TNRC18: variants seen among roughly 807,000 people sequenced by gnomAD.
The protein encoded by TNRC18 is trinucleotide repeat containing 18, also known as trinucleotide repeat-containing gene 18 protein.
A neutral mutation model predicts 226.7 loss-of-function variants in TNRC18; 69 were observed. The observed-to-expected ratio is 0.30, with a 90% CI of 0.25 to 0.37. The LOEUF is 0.37. TNRC18 is among the 10% of genes least tolerant of loss of function. TNRC18 has a pLI of 1.00. For missense variants in TNRC18, 4,754 were observed against 4,256.6 expected (o/e 1.12, Z -3.25); for synonymous variants, 2,449 against 1,927.6 (o/e 1.27, Z -7.09).
chr7:5,360,039 G>C (rs575038896), intron 14 of TNRC18, among the ~76,000 whole-genome samples: 1 of 151,506 alleles, frequency 6.6e-6, no homozygotes, highest in South Asian at 2.1e-4. Flanking sequence ...AATCCCGTGC[G>C]CAGTGGGGAC....
At position 5,313,229 on chromosome 7, in the gene TNRC18, G is replaced by T. The variant is rs183183335; in HGVS notation, c.7662C>A (p.Ala2554=). The change falls in exon 27 of 30, where the codon GCC becomes GCA. Residue 2554 remains alanine (A), a synonymous_variant. Transcript: ENST00000430969. The part of the protein sequence containing the change: ...PDKAQAEQDG[A]EESESSSSSS... The stretch of plus-strand genomic sequence containing the variant: ...TGCTGCTGCTGCTCTCGGACTCTTC[G>T]GCCCCGTCCTGCTCAGCCTGGGCCT... The T allele has an allele frequency of 3.2e-6, 5 of 1,548,886 alleles. No individual in the cohort carries two copies. In the South Asian group the frequency reaches 4.8e-5, roughly 15 times the overall value.
intron 5 of TNRC18, among the ~76,000 whole-genome samples, chr7:5,386,108 G>A (rs1394159570): frequency 6.6e-6 from 1 of 151,170 alleles, no homozygotes; most frequent in Non-Finnish European, 1.5e-5. Flanking sequence ...CCAATATGGT[G>A]AAACCCTGTC....
chr7:5,358,420 C>A (rs2128156907), intron 15 of TNRC18, among the ~76,000 whole-genome samples: 1 of 152,304 alleles, frequency 6.6e-6, no homozygotes. Context: ...TCCCTCACCA[C>A]AATTTGAAAG....
intron 1 of TNRC18, chr7:5,422,838 G>A (rs1782661019): frequency 6.6e-6 from 1 of 152,174 alleles, no homozygotes; most frequent in Non-Finnish European, 1.5e-5. Context: ...ATCTAAGATC[G>A]CCACATCCGA....
In TNRC18 at chr7:5,376,112, G is replaced by C; in HGVS notation, c.2721C>G (p.Phe907Leu). The C allele has an allele frequency of 6.3e-7, 1 of 1,592,062 alleles. No individual in the cohort carries two copies. Among genetic ancestry groups the C allele is most frequent in the Non-Finnish European group, 8.5e-7 (1 of 1,170,246 alleles). ...QQLQLFSQQHFLRQQEFLYLQ... is the reference protein window; with the variant it reads ...QQLQLFSQQHLLRQQEFLYLQ... ...GGTACAGGAACTCCTGCTGCCGCAGGAAGTGCTGCTGTGAGAAGAGCTGCA... is the reference window on the plus strand; with the variant it reads ...GGTACAGGAACTCCTGCTGCCGCAGCAAGTGCTGCTGTGAGAAGAGCTGCA... The change falls in exon 9 of 30, where the codon TTC becomes TTG. Residue 907 changes from phenylalanine to leucine, a missense_variant. Phe to Leu is a conservative substitution (Grantham distance 22). Coordinates refer to ENST00000430969, the MANE Select transcript of TNRC18 (RefSeq NM_001080495.3).
In TNRC18 at chr7:5,390,643, A is replaced by G. The variant is rs762390061; in HGVS notation, c.344-15T>C. 3 of 1,527,768 alleles carry G rather than the reference A, an allele frequency of 2.0e-6. No individual in the cohort carries two copies. The highest frequency in any genetic ancestry group is 2.6e-6 in the Non-Finnish European group (3 of 1,137,610). 94.6% of individuals were successfully genotyped at this position (1,527,768 alleles called of 1,614,324 possible). A position where few individuals can be genotyped will look rare whatever the true frequency, so the allele number is the denominator to read the frequency against. On this transcript the variant is annotated splice_polypyrimidine_tract_variant and intron_variant, in intron 3 of 29. Coordinates refer to ENST00000430969, the MANE Select transcript of TNRC18 (RefSeq NM_001080495.3). ...GTGGGAGAAGCCTGTAACAGAAAAGAGAAAAGCTGGGCTGGGCCAATTCGT... is the reference window on the plus strand; with the variant it reads ...GTGGGAGAAGCCTGTAACAGAAAAGGGAAAAGCTGGGCTGGGCCAATTCGT...
intron 18 of TNRC18, among the ~76,000 whole-genome samples, chr7:5,337,409 A>C (rs1301460761): frequency 6.6e-6 from 1 of 152,000 alleles, no homozygotes; most frequent in Non-Finnish European, 1.5e-5. Flanking sequence ...ACTTGAACCC[A>C]GAAGGCGGAG....
At chr7:5,326,699 C>T (rs1464796875) in intron 19 of TNRC18, among the ~76,000 whole-genome samples, 3 of 151,966 alleles carry the variant, frequency 2.0e-5, no homozygotes, top group Non-Finnish European at 2.9e-5. Context: ...CTCAGCTACT[C>T]GGGTGGCTGA....
In TNRC18 at chr7:5,309,804, G is replaced by A. The variant is rs1236324426; in HGVS notation, c.8389-436C>T. 1.3e-5 allele frequency among the ~76,000 whole-genome samples: 2 copies of A among 152,222 alleles called. No homozygotes were observed. The highest frequency in any genetic ancestry group is 4.8e-5 in the African/African-American group (2 of 41,448). On this transcript the variant is annotated intron_variant, in intron 27 of 29. Transcript: ENST00000430969. This position sits in a 1 kb window ranked among gnomAD's most constrained non-coding sequence, Gnocchi z 5.7. Reference sequence around the variant, plus strand: ...TTTGTAGAGAACAAGGTCTCACTATGTTGCCCAGGATGGTCTCAGACTTTT... The same window carrying A: ...TTTGTAGAGAACAAGGTCTCACTATATTGCCCAGGATGGTCTCAGACTTTT...
intron 17 of TNRC18, among the ~76,000 whole-genome samples, chr7:5,346,950 G>A (rs572362270): frequency 1.3e-5 from 2 of 152,246 alleles, no homozygotes; most frequent in Admixed American, 6.5e-5. Context: ...CTTCACTCAT[G>A]GGATGCCCAG....
In TNRC18 at chr7:5,307,844, C is replaced by G. The variant is rs969864007; in HGVS notation, c.*262G>C. The G allele has an allele frequency of 3.7e-6, 2 of 538,920 alleles. No homozygotes were observed. Among genetic ancestry groups the G allele is most frequent in the African/African-American group, 1.9e-5 (1 of 52,462 alleles). The allele number at this position is 538,920 out of a possible 1,614,324, so 33.4% of individuals were successfully genotyped here. On this transcript the variant is annotated 3_prime_UTR_variant, in exon 30 of 30. Coordinates refer to ENST00000430969, the MANE Select transcript of TNRC18 (RefSeq NM_001080495.3). ...TGCTGGGCAGGAAGGGCCGGTCCGG[C>G]CATACCCTGATAGCTAAGAGGGGCC...
intron 2 of TNRC18, among the ~76,000 whole-genome samples, chr7:5,401,488 T>A (rs1781088424): frequency 6.6e-6 from 1 of 152,158 alleles, no homozygotes; most frequent in Non-Finnish European, 1.5e-5. Flanking sequence ...CAACTTACCC[T>A]GCCACGCCCT....
intron 2 of TNRC18, among the ~76,000 whole-genome samples, chr7:5,419,124 C>T (rs1356322241): frequency 6.6e-6 from 1 of 152,260 alleles, no homozygotes; most frequent in Non-Finnish European, 1.5e-5. Flanking sequence ...TCCCGCTGGG[C>T]TTCCGAGGCT....
In TNRC18 at chr7:5,345,707, C is replaced by A; in HGVS notation, c.5574G>T (p.Pro1858=). The change falls in exon 18 of 30, where the codon CCG becomes CCT. Residue 1858 remains proline, a synonymous_variant. Coordinates refer to ENST00000430969, the MANE Select transcript of TNRC18 (RefSeq NM_001080495.3). ...GGCCCAGCCCACTCTCCTCCAGGCC[C>A]GGTGACAGGGCCCGCTCCCGGGCAC... The part of the protein sequence containing the change: ...RLGARERALS[P]GLEESGLGLL... 6.5e-7 allele frequency: 1 copy of A among 1,549,008 alleles called. No individual in the cohort carries two copies.
In TNRC18 at chr7:5,332,815, C is replaced by G. The variant is rs1280101034; in HGVS notation, c.5954G>C (p.Gly1985Ala). The G allele has an allele frequency of 6.6e-7, 1 of 1,509,282 alleles. No homozygotes were observed. The highest frequency in any genetic ancestry group is 2.2e-5 in the Admixed American group (1 of 46,156). The allele number at this position is 1,509,282 out of a possible 1,614,324, so 93.5% of individuals were successfully genotyped here. ...CAGGTCGTCGTCGCTGGCCTCGGGCCCCGCCTCGAAGCCAGGCTCCTTGGG... is the reference window on the plus strand; with the variant it reads ...CAGGTCGTCGTCGCTGGCCTCGGGCGCCGCCTCGAAGCCAGGCTCCTTGGG... ...RGPKEPGFEA[G>A]PEASDDDLWT... The change falls in exon 19 of 30, where the codon GGG (glycine) becomes GCG (alanine). Residue 1985 changes from glycine (G) to alanine (A), a missense_variant. Coordinates refer to ENST00000430969, the MANE Select transcript of TNRC18 (RefSeq NM_001080495.3).
chr7:5,345,520 C>CCCCCCCCCCCCCCCCCCCCCCCCCCCACA, intron 18 of TNRC18, 42 bp downstream of exon 18: 1 of 178,078 alleles, frequency 5.6e-6, no homozygotes, highest in African/African-American at 2.5e-5. Context: ...GGCGTCCGCC[C>CCCCCCCCCCCCCCCCCCCCCCCCCCCACA]CTCCCACCCA....
At chr7:5,365,851 C>T (rs1317810066) in intron 11 of TNRC18, among the ~76,000 whole-genome samples, 1 of 152,004 alleles carries the variant, frequency 6.6e-6, no homozygotes, top group East Asian at 1.9e-4. Flanking sequence ...GGGCGGATCA[C>T]CTGAGGTCAG....
intron 2 of TNRC18, chr7:5,420,490 C>T (rs1376437815): frequency 4.4e-6 from 2 of 449,694 alleles, no homozygotes; most frequent in East Asian, 7.0e-5. Flanking sequence ...AAGAAAGGGG[C>T]ATCCCGCCCG....
Position 5,309,007 on chromosome 7 carries a change from C to G in TNRC18, c.8626-58G>C, listed in dbSNP as rs1473710390. Reference sequence around the variant, plus strand: ...GCCCGGGGGCTGCTGCACCCGACCCCAGGCCCCAGGACAGGGCTGACCCAC... The same window carrying G: ...GCCCGGGGGCTGCTGCACCCGACCCGAGGCCCCAGGACAGGGCTGACCCAC... On this transcript the variant is annotated intron_variant, in intron 28 of 29. Coordinates refer to ENST00000430969, the MANE Select transcript of TNRC18 (RefSeq NM_001080495.3). This position sits in a 1 kb window ranked among gnomAD's most constrained non-coding sequence, Gnocchi z 5.7. 6.4e-7 allele frequency: 1 copy of G among 1,552,900 alleles called. No individual in the cohort carries two copies. Among genetic ancestry groups the G allele is most frequent in the African/African-American group, 1.4e-5 (1 of 73,452 alleles).
Sources: gnomAD v4.1 joint callset for allele counts (sites outside exome capture counted in the v4.1 genomes callset) on GRCh38, gnomAD v4.1.1 for gene constraint, Gnocchi (gnomAD v3.1) non-coding constraint, MANE v1.5 for transcripts, NCBI Gene and HGNC (gene_info 2026-07-23, HGNC 2026-07-21) for gene names.